TPP2: variants seen among roughly 807,000 people sequenced by gnomAD.
TPP2 encodes the protein tripeptidyl-peptidase 2.
TPP2 carries 34 observed loss-of-function variants against 155.9 expected under a neutral mutation model. The ratio of observed to expected loss-of-function variants is 0.22; its 90% CI spans 0.17 to 0.29. TPP2 has a LOEUF of 0.29. Ranked by LOEUF, TPP2 falls within the 10% of genes least tolerant of loss-of-function variation. The probability of loss-of-function intolerance (pLI) is 1.00; values close to 1 mark genes in which losing one functional copy is unlikely to be tolerated. For missense variants in TPP2, 1,028 were observed against 1,522.3 expected, an observed-to-expected ratio of 0.68 and a Z score of 5.40; for synonymous variants, 510 against 529.4, an observed-to-expected ratio of 0.96 and a Z score of 0.50.
chr13:102,626,192 C>T (rs1881609419), intron 6 of TPP2, among the ~76,000 whole-genome samples: 1 of 152,166 alleles, frequency 6.6e-6, no homozygotes. Context: ...TATGATGTTG[C>T]TGTTTTTGTG....
chr13:102,670,923 G>A (rs1884934944), intron 27 of TPP2, among the ~76,000 whole-genome samples: 1 of 152,282 alleles, frequency 6.6e-6, no homozygotes, highest in Admixed American at 6.5e-5. Context: ...TACGACAGAG[G>A]CATATAGACT....
intron 16 of TPP2, 107 bp from the exon 17 acceptor site, chr13:102,643,115 T>G (rs1882877556): frequency 5.7e-6 from 6 of 1,057,094 alleles, no homozygotes; most frequent in Admixed American, 7.7e-5. Flanking sequence ...TGATCCCTAT[T>G]ATGTCCCTAC....
intron 1 of TPP2, among the ~76,000 whole-genome samples, chr13:102,600,689 A>G (rs1879363974): frequency 1.3e-5 from 2 of 152,214 alleles, no homozygotes; most frequent in Admixed American, 6.5e-5. Context: ...TATGGGCATA[A>G]TGAAGGAATA....
chr13:102,657,287 T>A (rs891306329), intron 25 of TPP2, 80 bp downstream of exon 25: 2 of 1,172,030 alleles, frequency 1.7e-6, no homozygotes, highest in Non-Finnish European at 2.2e-6. Flanking sequence ...TATATATACA[T>A]AGACCGTATT....
At chr13:102,622,530 G>T (rs1480232271) in intron 5 of TPP2, among the ~76,000 whole-genome samples, 1 of 152,190 alleles carries the variant, frequency 6.6e-6, no homozygotes, top group Non-Finnish European at 1.5e-5. Flanking sequence ...GAAGCAGCTG[G>T]AAGTTAGACC....
Position 102,676,408 on chromosome 13 carries a change from G to A in TPP2, c.3692G>A (p.Cys1231Tyr), listed in dbSNP as rs200263888. ...EKPTKENWKNCIQLMKLLGWT... is the reference protein window; with the variant it reads ...EKPTKENWKNYIQLMKLLGWT... ...CCAACAAAAGAAAACTGGAAAAATT[G>A]TATTCAAGTAAGTGATATTTAAAAT... is the stretch of plus-strand genomic sequence containing the variant. Residue 1231 changes from cysteine to tyrosine, a missense_variant, in exon 29 of 30, where the codon TGT becomes TAT. Physicochemically the swap from Cys to Tyr is radical, Grantham distance 194. Coordinates refer to ENST00000376052, the MANE Select transcript of TPP2 (RefSeq NM_001330588.2). 20 of 1,609,242 alleles carry A rather than the reference G, an allele frequency of 1.2e-5. No individual in the cohort carries two copies. In the East Asian group the frequency reaches 4.3e-4, roughly 34 times the overall value.
Position 102,678,588 on chromosome 13 carries a change from G to A in TPP2, c.*272G>A. The stretch of plus-strand genomic sequence containing the variant: ...AGCACCTAGGACTTCGAGTTGGGTT[G>A]CAGCTTATGACATGCATGATAGGTT... On this transcript the variant is annotated 3_prime_UTR_variant, in exon 30 of 30. Coordinates refer to ENST00000376052, the MANE Select transcript of TPP2 (RefSeq NM_001330588.2). 1 of 308,204 alleles carries A rather than the reference G, an allele frequency of 3.2e-6. No homozygotes were observed. 19.1% of individuals were successfully genotyped at this position (308,204 alleles called of 1,614,324 possible).
chr13:102,617,725 G>T (rs901132053), intron 4 of TPP2, among the ~76,000 whole-genome samples: 1 of 152,174 alleles, frequency 6.6e-6, no homozygotes, highest in African/African-American at 2.4e-5. Context: ...GCAATATTAA[G>T]TGCTTTTGAT....
intron 15 of TPP2, among the ~76,000 whole-genome samples, chr13:102,638,927 C>T (rs560705724): frequency 7.9e-5 from 12 of 152,312 alleles, no homozygotes; most frequent in African/African-American, 2.2e-4. Flanking sequence ...CCTGTCATTC[C>T]GTACACCAAA....
chr13:102,649,460 T>C lies in TPP2; in HGVS notation c.2926T>C (p.Ser976Pro). The change falls in exon 23 of 30, where the codon TCA becomes CCA. Residue 976 changes from serine to proline, a missense_variant. By Grantham distance (74) the Ser-to-Pro change is moderately conservative (BLOSUM62 -1). Around this residue, in one of 7 missense-constraint regions of TPP2, gnomAD observed 179 missense variants for 274.7 expected, o/e 0.65. Coordinates refer to ENST00000376052, the MANE Select transcript of TPP2 (RefSeq NM_001330588.2). ...GCYLAGSLTL[S>P]KTELGKKAGQ... ...CTATCTTGCAGGATCCTTAACATTGTCAAAGACTGAACTAGGAAAGAAAGC... is the reference window on the plus strand; with the variant it reads ...CTATCTTGCAGGATCCTTAACATTGCCAAAGACTGAACTAGGAAAGAAAGC... 6.2e-7 allele frequency: 1 copy of C among 1,612,778 alleles called. No homozygotes were observed.
chr13:102,640,038 C>G (rs892976461), intron 15 of TPP2, among the ~76,000 whole-genome samples: 1 of 152,138 alleles, frequency 6.6e-6, no homozygotes, highest in South Asian at 2.1e-4. Context: ...ATGTATCTTA[C>G]AAATCATAAA....
chr13:102,655,155 G>A (rs1429531726), intron 24 of TPP2: 1 of 442,298 alleles, frequency 2.3e-6, no homozygotes, highest in Non-Finnish European at 4.6e-6. Flanking sequence ...TTATTATTTT[G>A]TGTTGGAATA....
chr13:102,622,135 G>C (rs1881213044), intron 5 of TPP2, among the ~76,000 whole-genome samples: 1 of 152,140 alleles, frequency 6.6e-6, no homozygotes, highest in South Asian at 2.1e-4. Flanking sequence ...TGCTCTACCA[G>C]TAGGCTTCTA....
intron 2 of TPP2, among the ~76,000 whole-genome samples, chr13:102,611,039 CT>C (rs768428882): frequency 3.9e-5 from 6 of 152,322 alleles, no homozygotes; most frequent in Admixed American, 1.3e-4. Context: ...CATAAACAGT[CT>C]CATTTCATTC....
chr13:102,640,295 C>G lies in TPP2; in HGVS notation c.1939C>G (p.Leu647Val), dbSNP rs745937230. Residue 647 changes from leucine to valine, a missense_variant, in exon 16 of 30, where the codon CTA becomes GTA. Physicochemically the swap from Leu to Val is conservative, Grantham distance 32. Transcript: ENST00000376052. The stretch of plus-strand genomic sequence containing the variant: ...AGTAAATGAATCATCACATTATGAT[C>G]TAGCCTTTACAGATGTACACTTTAA... ...AKVNESSHYD[L>V]AFTDVHFKPG... 32 of 1,610,958 alleles carry G rather than the reference C, an allele frequency of 2.0e-5. No individual in the cohort carries two copies.
chr13:102,627,290 A>G, intron 7 of TPP2, 124 bp downstream of exon 7: 1 of 752,290 alleles, frequency 1.3e-6, no homozygotes, highest in Non-Finnish European at 1.8e-6. Context: ...CAGGACTTTT[A>G]ACAAAGCAAA....
At chr13:102,644,835 A>G (rs1882997542) in intron 18 of TPP2, 74 bp from the exon 19 acceptor site, 6 of 1,530,804 alleles carry the variant, frequency 3.9e-6, no homozygotes, top group Non-Finnish European at 5.4e-6. Context: ...TATATTGGAC[A>G]CATTTATTTT....
At chr13:102,641,316 A>G (rs1882753632) in intron 16 of TPP2, among the ~76,000 whole-genome samples, 1 of 152,210 alleles carries the variant, frequency 6.6e-6, no homozygotes. Flanking sequence ...GGCAGTCAAG[A>G]AAGTGTCACC....
At chr13:102,653,259 C>T (rs117006805) in intron 24 of TPP2, among the ~76,000 whole-genome samples, 3,962 of 152,102 alleles carry the variant, frequency 0.026, 80 homozygotes, top group Middle Eastern at 0.045. Flanking sequence ...GTATAATTTC[C>T]GGTTGATTAA....
Sources: gnomAD v4.1 joint callset for allele counts (sites outside exome capture counted in the v4.1 genomes callset) on GRCh38, gnomAD v4.1.1 for gene constraint, gnomAD v4.1.1 regional missense constraint, MANE v1.5 for transcripts, NCBI Gene and HGNC (gene_info 2026-07-23, HGNC 2026-07-21) for gene names.